CLK3: variants seen among roughly 807,000 people sequenced by gnomAD.
CLK3 encodes the protein dual specificity protein kinase CLK3.
A neutral mutation model predicts 65.2 loss-of-function variants in CLK3; 24 were observed. The observed-to-expected ratio is 0.37, with a 90% CI of 0.27 to 0.52. The LOEUF (loss-of-function observed/expected upper bound fraction) is 0.52, where lower values mean the gene tolerates loss of function less well. CLK3 is among the 20% of genes least tolerant of loss of function. The pLI is 0.92. For missense variants in CLK3, 506 were observed against 660.0 expected, an observed-to-expected ratio of 0.77 and a Z score of 2.56; for synonymous variants, 252 against 240.8, an observed-to-expected ratio of 1.05 and a Z score of -0.43.
In CLK3 at chr15:74,621,605, T is replaced by C. The variant is rs1457092716; in HGVS notation, c.370-515T>C. ...GCAGGCAAGGACAGGCTGGGCATTC[T>C]GCAGCTGAAGCCGGAGCAGCCGCTG... On this transcript the variant is annotated intron_variant, in intron 3 of 12. Transcript: ENST00000395066. This position sits in a 1 kb window ranked among gnomAD's most constrained non-coding sequence, Gnocchi z 4.8. 1 of 236,610 alleles carries C rather than the reference T, an allele frequency of 4.2e-6. No individual in the cohort carries two copies. Among genetic ancestry groups the C allele is most frequent in the East Asian group, 1.1e-4 (1 of 9,454 alleles). 14.7% of individuals were successfully genotyped at this position (236,610 alleles called of 1,614,324 possible). A position where few individuals can be genotyped will look rare whatever the true frequency, so the allele number is the denominator to read the frequency against.
At chr15:74,626,185 CCT>C (rs1018117221) in intron 7 of CLK3, among the ~76,000 whole-genome samples, 2 of 152,206 alleles carry the variant, frequency 1.3e-5, no homozygotes, top group Non-Finnish European at 2.9e-5. Flanking sequence ...CCTGGACCAG[CCT>C]CTCTACCCCC....
At chr15:74,628,786 C>G (rs545559780) in intron 11 of CLK3, 103 bp downstream of exon 11, 5 of 1,092,634 alleles carry the variant, frequency 4.6e-6, no homozygotes, top group Non-Finnish European at 6.7e-6. Flanking sequence ...CTGGACAGTC[C>G]ATGGTTCCGC....
Position 74,627,837 on chromosome 15 carries a change from A to C in CLK3, c.1043-133A>C. The C allele has an allele frequency of 8.3e-7, 1 of 1,200,148 alleles. No homozygotes were observed. The highest frequency in any genetic ancestry group is 1.2e-6 in the Non-Finnish European group (1 of 822,492). The allele number at this position is 1,200,148 out of a possible 1,614,324, so 74.3% of individuals were successfully genotyped here. ...GGTGACTGACCTGGCTTTATCTGTC[A>C]GCCTTACTGAGAGAGGGCCTCGTAC... is the stretch of plus-strand genomic sequence containing the variant. On this transcript the variant is annotated intron_variant, in intron 9 of 12. Coordinates refer to ENST00000395066, the MANE Select transcript of CLK3 (RefSeq NM_001130028.2). This position sits in a 1 kb window ranked among gnomAD's most constrained non-coding sequence, Gnocchi z 4.3.
In CLK3 at chr15:74,621,838, G is replaced by A. The variant is rs1342338667; in HGVS notation, c.370-282G>A. On this transcript the variant is annotated intron_variant, in intron 3 of 12. Coordinates refer to ENST00000395066, the MANE Select transcript of CLK3 (RefSeq NM_001130028.2). The surrounding 1 kb of genome is among the most constrained non-coding windows in gnomAD (Gnocchi z 4.8). ...GGTCATCTTCCTGAGCGTTTGTGGC[G>A]CTCCTCTTAAAGATAATGTCCGAGT... 3.8e-5 allele frequency: 16 copies of A among 418,870 alleles called. No individual in the cohort carries two copies. The Admixed American group carries it at 4.4e-4, about 12-fold the overall frequency. The allele number at this position is 418,870 out of a possible 1,614,324, so 25.9% of individuals were successfully genotyped here. A position where few individuals can be genotyped will look rare whatever the true frequency, so the allele number is the denominator to read the frequency against.
At chr15:74,615,357 C>A (rs2062043976), upstream of CLK3, 1 of 1,096,522 alleles carries the variant, frequency 9.1e-7, no homozygotes, top group Non-Finnish European at 1.2e-6. Flanking sequence ...AATAATGTGT[C>A]GTTCGCTCGT....
At chr15:74,615,235 G>A (rs918681123), upstream of CLK3, 7 of 413,754 alleles carry the variant, frequency 1.7e-5, no homozygotes, top group African/African-American at 4.1e-5. Context: ...CCTCCCTCCA[G>A]ACTCCGGCCC....
chr15:74,620,071 G>T lies in CLK3; in HGVS notation c.215G>T (p.Cys72Phe), dbSNP rs753905373. The T allele has an allele frequency of 1.5e-5, 25 of 1,614,208 alleles. 1 individual carries two copies. The South Asian group carries it at 2.7e-4, about 18-fold the overall frequency. ...RERRDSDTYR[C>F]EERSPSFGED... ...CGCCGTGACAGCGATACATACCGGT[G>T]TGAAGAGCGGAGCCCATCCTTTGGA... The change falls in exon 3 of 13, where the codon TGT becomes TTT. Residue 72 changes from cysteine (C) to phenylalanine (F), a missense_variant. Cys to Phe is a radical substitution (Grantham distance 205). This residue lies in a region of CLK3 where 181 missense variants were observed against 159.4 expected (regional missense o/e 1.14). Coordinates refer to ENST00000395066, the MANE Select transcript of CLK3 (RefSeq NM_001130028.2).
upstream of CLK3, among the ~76,000 whole-genome samples, chr15:74,614,507 C>T (rs2062029982): frequency 6.6e-6 from 1 of 152,164 alleles, no homozygotes; most frequent in African/African-American, 2.4e-5. Flanking sequence ...TGGAAGGGGA[C>T]CCAGTTTTGA....
Position 74,628,963 on chromosome 15 carries a change from A to C in CLK3, c.1227A>C (p.Lys409Asn), listed in dbSNP as rs749829372. 6.2e-7 allele frequency: 1 copy of C among 1,613,568 alleles called. No individual in the cohort carries two copies. Among genetic ancestry groups the C allele is most frequent in the South Asian group, 1.1e-5 (1 of 91,074 alleles). Residue 409 changes from lysine (K) to asparagine (N), a missense_variant, in exon 12 of 13, where the codon AAA (lysine) becomes AAC (asparagine). By Grantham distance (94) the Lys-to-Asn change is moderately conservative (BLOSUM62 0). Transcript: ENST00000395066. ...HRTRKQKYFYKGGLVWDENSS... is the reference protein window; with the variant it reads ...HRTRKQKYFYNGGLVWDENSS... ...TCAGGAAGCAGAAATATTTCTACAA[A>C]GGGGGCCTAGTTTGGGATGAGAACA...
At chr15:74,614,016 CCTAA>C (rs746968088), upstream of CLK3, among the ~76,000 whole-genome samples, 20 of 152,274 alleles carry the variant, frequency 1.3e-4, 1 homozygote, top group Non-Finnish European at 2.4e-4. Context: ...TGAAGCGGCT[CCTAA>C]CTTTCTTTTT....
chr15:74,628,713 G>C (rs781441662), intron 11 of CLK3, 30 bp downstream of exon 11: 2 of 1,562,596 alleles, frequency 1.3e-6, no homozygotes, highest in African/African-American at 1.4e-5. Context: ...CCTCAGGGTT[G>C]GTATAGAGGC....
Position 74,624,615 on chromosome 15 carries a change from G to T in CLK3, c.534-287G>T. 2.1e-6 allele frequency: 1 copy of T among 485,834 alleles called. No individual in the cohort carries two copies. The highest frequency in any genetic ancestry group is 3.8e-6 in the Non-Finnish European group (1 of 264,974). The allele number at this position is 485,834 out of a possible 1,614,324, so 30.1% of individuals were successfully genotyped here. A position where few individuals can be genotyped will look rare whatever the true frequency, so the allele number is the denominator to read the frequency against. On this transcript the variant is annotated intron_variant, in intron 5 of 12. Transcript: ENST00000395066. This position sits in a 1 kb window ranked among gnomAD's most constrained non-coding sequence, Gnocchi z 4.2. ...GACTGGCACTGGTTAAGCAGGATTG[G>T]CCTCTACTCTCCCACACTCCTTTGG...
At chr15:74,626,884 T>G in intron 7 of CLK3, 3 of 426,486 alleles carry the variant, frequency 7.0e-6, no homozygotes, top group South Asian at 5.1e-5. Flanking sequence ...ATGCGACCTG[T>G]GCACTCAGTC....
Position 74,615,889 on chromosome 15 carries a change from C to A in CLK3, c.-10C>A. The A allele has an allele frequency of 8.0e-7, 1 of 1,253,344 alleles. No homozygotes were observed. The highest frequency in any genetic ancestry group is 1.0e-6 in the Non-Finnish European group (1 of 999,150). The allele number at this position is 1,253,344 out of a possible 1,614,324, so 77.6% of individuals were successfully genotyped here. ...AGTGGGGCCTAGCTGCAGCCGGAGC[C>A]TGGGAGACGGTAAGTGTGGGCTGGG... On this transcript the variant is annotated 5_prime_UTR_variant, in exon 1 of 13. It adds an upstream start codon to the 5' untranslated region. Transcript: ENST00000395066.
In CLK3 at chr15:74,627,114, G is replaced by C; in HGVS notation, c.818-238G>C. On this transcript the variant is annotated intron_variant, in intron 7 of 12. Transcript: ENST00000395066. This position sits in a 1 kb window ranked among gnomAD's most constrained non-coding sequence, Gnocchi z 4.3. The stretch of plus-strand genomic sequence containing the variant: ...GAGGAGAGGTGGAGGGAGGTTTTTC[G>C]AATGGCAAATTTCTTTCCTACCCCC... 3.3e-6 allele frequency: 2 copies of C among 605,854 alleles called. No homozygotes were observed. Among genetic ancestry groups the C allele is most frequent in the South Asian group, 1.5e-5 (1 of 66,086 alleles). 37.5% of individuals were successfully genotyped at this position (605,854 alleles called of 1,614,324 possible). A position where few individuals can be genotyped will look rare whatever the true frequency, so the allele number is the denominator to read the frequency against.
At position 74,622,416 on chromosome 15, in the gene CLK3, T is replaced by C; in HGVS notation, c.467-78T>C. The C allele has an allele frequency of 8.2e-7, 1 of 1,213,596 alleles. No individual in the cohort carries two copies. Among genetic ancestry groups the C allele is most frequent in the South Asian group, 1.4e-5 (1 of 74,028 alleles). 75.2% of individuals were successfully genotyped at this position (1,213,596 alleles called of 1,614,324 possible). ...GAGAAACCTTTTTTGTTTTTGAGAATTTGAATGCTGTGAACTTGCAGGAGC... is the reference window on the plus strand; with the variant it reads ...GAGAAACCTTTTTTGTTTTTGAGAACTTGAATGCTGTGAACTTGCAGGAGC... On this transcript the variant is annotated intron_variant, in intron 4 of 12. Transcript: ENST00000395066. The surrounding 1 kb of genome is among the most constrained non-coding windows in gnomAD (Gnocchi z 4.6).
chr15:74,617,734 TG>T (rs1340117175), intron 1 of CLK3, among the ~76,000 whole-genome samples: 2 of 152,260 alleles, frequency 1.3e-5, no homozygotes, highest in African/African-American at 4.8e-5. Context: ...ATACTTGCCT[TG>T]TGGCACGACA....
In CLK3 at chr15:74,622,443, G is replaced by T. The variant is rs749245187; in HGVS notation, c.467-51G>T. Reference sequence around the variant, plus strand: ...TGAATGCTGTGAACTTGCAGGAGCTGCCAACCCCCTGCCCTCCAGATTCTC... The same window carrying T: ...TGAATGCTGTGAACTTGCAGGAGCTTCCAACCCCCTGCCCTCCAGATTCTC... On this transcript the variant is annotated intron_variant, in intron 4 of 12. Transcript: ENST00000395066. The surrounding 1 kb of genome is among the most constrained non-coding windows in gnomAD (Gnocchi z 4.6). 7.1e-7 allele frequency: 1 copy of T among 1,414,154 alleles called. No individual in the cohort carries two copies. Among genetic ancestry groups the T allele is most frequent in the Non-Finnish European group, 9.8e-7 (1 of 1,018,448 alleles). 87.6% of individuals were successfully genotyped at this position (1,414,154 alleles called of 1,614,324 possible).
intron 1 of CLK3, among the ~76,000 whole-genome samples, chr15:74,618,575 G>A (rs1034335831): frequency 1.3e-5 from 2 of 152,188 alleles, no homozygotes; most frequent in African/African-American, 4.8e-5. Context: ...CCTCAGGAGG[G>A]CTATGGAATG....
Sources: gnomAD v4.1 joint callset for allele counts (sites outside exome capture counted in the v4.1 genomes callset) on GRCh38, gnomAD v4.1.1 for gene constraint, gnomAD v4.1.1 regional missense constraint, Gnocchi (gnomAD v3.1) non-coding constraint, MANE v1.5 for transcripts, NCBI Gene and HGNC (gene_info 2026-07-23, HGNC 2026-07-21) for gene names.